Variants in PDE8A observed in about 807,000 individuals in gnomAD.
PDE8A encodes the protein high affinity cAMP-specific and IBMX-insensitive 3',5'-cyclic phosphodiesterase 8A.
In PDE8A, 59 loss-of-function variants were observed where a neutral mutation model predicts 105.0. The ratio of observed to expected loss-of-function variants is 0.56; its 90% CI spans 0.46 to 0.70. The LOEUF (loss-of-function observed/expected upper bound fraction) is 0.70. Among genes scored for constraint, PDE8A ranks in the 30% least tolerant of loss-of-function variants. The pLI, the probability that PDE8A is intolerant of heterozygous loss-of-function variation, is 0.00. For missense variants in PDE8A, 1,014 were observed against 1,045.9 expected, an observed-to-expected ratio of 0.97 and a Z score of 0.42; for synonymous variants, 355 against 371.9, an observed-to-expected ratio of 0.95 and a Z score of 0.52.
intron 11 of PDE8A, among the ~76,000 whole-genome samples, chr15:85,104,796 T>G (rs1349034357): frequency 2.6e-5 from 4 of 152,136 alleles, no homozygotes; most frequent in African/African-American, 7.2e-5. Context: ...CCAACTATTC[T>G]GAAGAGAGAA....
intron 11 of PDE8A, among the ~76,000 whole-genome samples, chr15:85,107,657 C>T (rs1293117164): frequency 1.3e-5 from 2 of 152,052 alleles, no homozygotes; most frequent in Non-Finnish European, 2.9e-5. Context: ...GTTCAGTGAT[C>T]TGGGTTAAAG....
At chr15:85,120,538 C>T in intron 17 of PDE8A, 1 of 321,182 alleles carries the variant, frequency 3.1e-6, no homozygotes, top group Non-Finnish European at 5.7e-6. Flanking sequence ...TAGAGAAAGA[C>T]TGGCTGAGGA....
At chr15:84,986,759 G>C (rs143206901) in intron 1 of PDE8A, among the ~76,000 whole-genome samples, 1 of 151,676 alleles carries the variant, frequency 6.6e-6, no homozygotes, top group Non-Finnish European at 1.5e-5. Flanking sequence ...CTACAGGTGC[G>C]CACCATGCAT....
chr15:85,037,187 T>C (rs529816879), intron 1 of PDE8A, among the ~76,000 whole-genome samples: 1 of 151,956 alleles, frequency 6.6e-6, no homozygotes, highest in East Asian at 1.9e-4. Context: ...TGCCTCAGCC[T>C]CCCAAGTAGC....
intron 1 of PDE8A, among the ~76,000 whole-genome samples, chr15:84,985,352 GAGTTTA>G (rs1355651350): frequency 1.3e-5 from 2 of 152,180 alleles, no homozygotes; most frequent in East Asian, 1.9e-4. Context: ...TTCCTTTCGG[GAGTTTA>G]AGTTTATGTG....
At chr15:84,994,694 C>T (rs1300269948) in intron 1 of PDE8A, among the ~76,000 whole-genome samples, 2 of 152,110 alleles carry the variant, frequency 1.3e-5, no homozygotes, top group Admixed American at 1.3e-4. Flanking sequence ...AGGACGGGAG[C>T]GGTGGCTCAC....
At chr15:85,108,948 A>T in intron 11 of PDE8A, 105 bp from the exon 12 acceptor site, 1 of 735,730 alleles carries the variant, frequency 1.4e-6, no homozygotes. Context: ...TGTGGCATTT[A>T]AAACATTTAA....
At chr15:85,102,238 C>T (rs2081874603) in intron 11 of PDE8A, among the ~76,000 whole-genome samples, 2 of 152,174 alleles carry the variant, frequency 1.3e-5, no homozygotes, top group South Asian at 2.1e-4. Flanking sequence ...GTCTGGAGAG[C>T]GTTGCTGAAG....
intron 12 of PDE8A, among the ~76,000 whole-genome samples, chr15:85,110,234 AAC>A (rs1405769615): frequency 6.6e-6 from 1 of 152,216 alleles, no homozygotes; most frequent in East Asian, 1.9e-4. Context: ...CCCTGCCCAG[AAC>A]AGTCTTCACT....
intron 1 of PDE8A, among the ~76,000 whole-genome samples, chr15:84,983,973 G>A (rs1233830807): frequency 6.6e-6 from 1 of 152,134 alleles, no homozygotes; most frequent in Non-Finnish European, 1.5e-5. Context: ...CTTCTGTATT[G>A]GCAGACCATT....
chr15:84,991,822 C>A (rs1275967726), intron 1 of PDE8A, among the ~76,000 whole-genome samples: 2 of 152,028 alleles, frequency 1.3e-5, no homozygotes, highest in Non-Finnish European at 2.9e-5. Flanking sequence ...AAGAAGCCAT[C>A]AAAAAATCTG....
At chr15:85,041,917 T>A (rs1214816975) in intron 1 of PDE8A, among the ~76,000 whole-genome samples, 2 of 152,202 alleles carry the variant, frequency 1.3e-5, no homozygotes, top group Non-Finnish European at 2.9e-5. Flanking sequence ...TACTATATAC[T>A]TACCTCTCGT....
intron 20 of PDE8A, among the ~76,000 whole-genome samples, chr15:85,127,304 C>T (rs1208215798): frequency 1.3e-5 from 2 of 152,158 alleles, no homozygotes; most frequent in African/African-American, 4.8e-5. Context: ...TCTGTTCAAC[C>T]TTGTATTGGT....
chr15:85,083,856 T>C (rs2079128259), intron 6 of PDE8A, among the ~76,000 whole-genome samples: 1 of 152,192 alleles, frequency 6.6e-6, no homozygotes, highest in African/African-American at 2.4e-5. Context: ...CATTTAAAGA[T>C]GGAGCCCCCA....
chr15:85,052,973 C>G (rs767897383), intron 1 of PDE8A, among the ~76,000 whole-genome samples: 59 of 152,244 alleles, frequency 3.9e-4, no homozygotes, highest in Admixed American at 9.8e-4. Flanking sequence ...ACATTTAAGT[C>G]TTTAATCCAT....
rs77503506 is a variant in PDE8A at position 85,036,671 on chromosome 15, C to T, written c.187-27699C>T. On this transcript the variant is annotated intron_variant, in intron 1 of 21. Transcript: ENST00000394553. ...AGCAGTAAAGGTTGTGGGATCTATA[C>T]TTTGGTAGAAAAGGAGAAAGGACCA... Among the ~76,000 whole-genome samples the T allele has an allele frequency of 8.5e-5, 13 of 152,266 alleles. No homozygotes were observed. The East Asian group carries it at 2.3e-3, about 27-fold the overall frequency.
In PDE8A at chr15:85,089,339, GC is replaced by G; in HGVS notation, c.638del (p.Ala213ValfsTer9). 1.9e-6 allele frequency: 3 copies of G among 1,539,740 alleles called. No homozygotes were observed. The highest frequency in any genetic ancestry group is 1.8e-6 in the Non-Finnish European group (2 of 1,117,468). On this transcript the variant is annotated frameshift_variant and splice_region_variant, in exon 7 of 22. Transcript: ENST00000394553. LOFTEE classifies it high-confidence loss of function. ...GEVRSQLKLR[A>X]CNSVFTALEN... ...TCCTTTTTTTGTTTACTCATAAAGG[GC>G]TTGTAACTCAGTATTCACTGCATTA...
intron 6 of PDE8A, among the ~76,000 whole-genome samples, chr15:85,086,886 T>C (rs1312792418): frequency 6.6e-6 from 1 of 151,894 alleles, no homozygotes; most frequent in Admixed American, 6.6e-5. Context: ...AAGTAGCTGG[T>C]ATTACAGAGG....
chr15:85,101,690 T>C (rs540798180), intron 11 of PDE8A, among the ~76,000 whole-genome samples: 1 of 152,222 alleles, frequency 6.6e-6, no homozygotes, highest in African/African-American at 2.4e-5. Context: ...AGCATTGCCA[T>C]GGTCGAGAGG....
Sources: gnomAD v4.1 joint callset for allele counts (sites outside exome capture counted in the v4.1 genomes callset) on GRCh38, gnomAD v4.1.1 for gene constraint, MANE v1.5 for transcripts, NCBI Gene and HGNC (gene_info 2026-07-23, HGNC 2026-07-21) for gene names.